PCDHGB5: variants seen among roughly 807,000 people sequenced by gnomAD.
PCDHGB5 encodes the protein protocadherin gamma-B5.
PCDHGB5 carries 48 observed loss-of-function variants against 62.9 expected under a neutral mutation model. That is an observed-to-expected ratio of 0.76 (90% confidence interval 0.61 to 0.97). The LOEUF is 0.97. Among genes scored for constraint, PCDHGB5 ranks in the 50% least tolerant of loss-of-function variants. The pLI is 0.00. For synonymous variants in PCDHGB5, 474 were observed against 511.2 expected (o/e 0.93, Z 0.98); for missense variants, 1,118 against 1,198.6 (o/e 0.93, Z 0.99).
rs781032596 is a variant in PCDHGB5, at chr5:141,400,191, A to C, written c.2064A>C (p.Leu688=). 8 of 1,613,852 alleles carry C rather than the reference A, an allele frequency of 5.0e-6. No homozygotes were observed. Among genetic ancestry groups the C allele is most frequent in the Non-Finnish European group, 4.2e-6 (5 of 1,179,884 alleles). The change falls in exon 1 of 4, where the codon CTA becomes CTC. Residue 688 remains leucine, a synonymous_variant. Coordinates refer to ENST00000617380, the MANE Select transcript of PCDHGB5 (RefSeq NM_018925.3). ...CCCAGGCTGAGCTGCAGTTTTACCTAGTGGTGGCCTTGGCCTTGATCTCAG... is the reference window on the plus strand; with the variant it reads ...CCCAGGCTGAGCTGCAGTTTTACCTCGTGGTGGCCTTGGCCTTGATCTCAG... The part of the protein sequence containing the change: ...SDPQAELQFY[L]VVALALISVL...
Position 141,477,203 on chromosome 5 carries a change from G to T in PCDHGB5, c.2398-17604G>T. On this transcript the variant is annotated intron_variant, in intron 1 of 3. Coordinates refer to ENST00000617380, the MANE Select transcript of PCDHGB5 (RefSeq NM_018925.3). The surrounding 1 kb of genome is among the most constrained non-coding windows in gnomAD (Gnocchi z 4.9). ...CACCTCCGTGTACAGCCCAGTACCC[G>T]AGGATGCCCCTCTGGGGACTGTCAT... 1 of 1,614,176 alleles carries T rather than the reference G, an allele frequency of 6.2e-7. No individual in the cohort carries two copies. The highest frequency in any genetic ancestry group is 1.1e-5 in the South Asian group (1 of 91,082).
chr5:141,419,890 C>T (rs775698934), intron 1 of PCDHGB5: 3 of 1,614,102 alleles, frequency 1.9e-6, no homozygotes, highest in Non-Finnish European at 2.5e-6. Flanking sequence ...ATTTCAGCGA[C>T]CATCCCACAC....
At chr5:141,500,192 A>T (rs865941565) in intron 2 of PCDHGB5, among the ~76,000 whole-genome samples, 1 of 110,142 alleles carries the variant, frequency 9.1e-6, no homozygotes, top group Non-Finnish European at 2.0e-5. Context: ...ATTTTTATTT[A>T]TTTATTTATT....
At chr5:141,428,189 C>G in intron 1 of PCDHGB5, 1 of 1,429,262 alleles carries the variant, frequency 7.0e-7, no homozygotes, top group African/African-American at 1.4e-5. Flanking sequence ...ACAGCCGCCG[C>G]TCTCTGCGCC....
At chr5:141,497,212 G>C (rs968445663) in intron 2 of PCDHGB5, among the ~76,000 whole-genome samples, 2 of 151,018 alleles carry the variant, frequency 1.3e-5, no homozygotes, top group East Asian at 3.9e-4. Context: ...AGTGTAATGG[G>C]GGGGGGAAGA....
In PCDHGB5 at chr5:141,400,221, C is replaced by G. The variant is rs377228541; in HGVS notation, c.2094C>G (p.Leu698=). 1 of 1,614,060 alleles carries G rather than the reference C, an allele frequency of 6.2e-7. No individual in the cohort carries two copies. Among genetic ancestry groups the G allele is most frequent in the Non-Finnish European group, 8.5e-7 (1 of 1,179,902 alleles). Residue 698 remains leucine (L), a synonymous_variant, in exon 1 of 4, where the codon CTC becomes CTG. Coordinates refer to ENST00000617380, the MANE Select transcript of PCDHGB5 (RefSeq NM_018925.3). ...TGGCCTTGGCCTTGATCTCAGTGCT[C>G]TTCCTCCTGGCCGTGATTCTGGCCG... ...LVVALALISV[L]FLLAVILAVA...
chr5:141,480,413 T>C (rs1478520852), intron 1 of PCDHGB5, among the ~76,000 whole-genome samples: 2 of 135,292 alleles, frequency 1.5e-5, no homozygotes, highest in African/African-American at 3.0e-5. Context: ...AGACCCTGTC[T>C]CAAAAAAAAA....
At position 141,486,765 on chromosome 5, in the gene PCDHGB5, T is replaced by C; in HGVS notation, c.2398-8042T>C. On this transcript the variant is annotated intron_variant, in intron 1 of 3. Transcript: ENST00000617380. This position sits in a 1 kb window ranked among gnomAD's most constrained non-coding sequence, Gnocchi z 5.0. ...TTTGACTATGAGCAAACCCAGACACTGCAGTTTGAGGTGCAGGCCCGGGAT... is the reference window on the plus strand; with the variant it reads ...TTTGACTATGAGCAAACCCAGACACCGCAGTTTGAGGTGCAGGCCCGGGAT... 4 of 1,614,230 alleles carry C rather than the reference T, an allele frequency of 2.5e-6. No individual in the cohort carries two copies. Among genetic ancestry groups the C allele is most frequent in the Non-Finnish European group, 3.4e-6 (4 of 1,180,038 alleles).
intron 1 of PCDHGB5, among the ~76,000 whole-genome samples, chr5:141,438,263 A>G (rs2097944986): frequency 6.6e-6 from 1 of 152,144 alleles, no homozygotes; most frequent in South Asian, 2.1e-4. Flanking sequence ...AAGAGACCAT[A>G]GAATCAAACA....
At chr5:141,469,721 A>G (rs1238006043) in intron 1 of PCDHGB5, among the ~76,000 whole-genome samples, 5 of 152,270 alleles carry the variant, frequency 3.3e-5, no homozygotes, top group African/African-American at 1.2e-4. Context: ...TTAGGAATTT[A>G]TCATAAATAC....
chr5:141,436,877 A>G (rs2097851127), intron 1 of PCDHGB5, among the ~76,000 whole-genome samples: 1 of 152,252 alleles, frequency 6.6e-6, no homozygotes, highest in Admixed American at 6.5e-5. Flanking sequence ...AGGCCATAAA[A>G]GATGGGGGAA....
intron 2 of PCDHGB5, among the ~76,000 whole-genome samples, chr5:141,496,116 C>G (rs1435887981): frequency 6.6e-6 from 1 of 152,178 alleles, no homozygotes; most frequent in Middle Eastern, 3.4e-3. Flanking sequence ...TCTCTTCCTT[C>G]CCTGCCCCTC....
intron 2 of PCDHGB5, among the ~76,000 whole-genome samples, chr5:141,496,565 T>C (rs2099769541): frequency 6.6e-6 from 1 of 152,136 alleles, no homozygotes; most frequent in African/African-American, 2.4e-5. Context: ...CACAGTCCTG[T>C]CACCCATTTT....
chr5:141,403,217 A>G (rs763517467), intron 1 of PCDHGB5: 10 of 1,613,810 alleles, frequency 6.2e-6, no homozygotes, highest in East Asian at 2.2e-5. Context: ...CACCGCGGGT[A>G]GGATAGACCG....
Position 141,477,876 on chromosome 5 carries a change from G to A in PCDHGB5, c.2398-16931G>A, listed in dbSNP as rs1412801533. The A allele has an allele frequency of 4.3e-6, 7 of 1,614,144 alleles. No individual in the cohort carries two copies. Among genetic ancestry groups the A allele is most frequent in the Non-Finnish European group, 5.9e-6 (7 of 1,180,030 alleles). ...ATGCTGCCTCGAGGTACCTCAGCTG[G>A]CCACCTAGTGTCACGGGTGGTAGGC... On this transcript the variant is annotated intron_variant, in intron 1 of 3. Coordinates refer to ENST00000617380, the MANE Select transcript of PCDHGB5 (RefSeq NM_018925.3). The surrounding 1 kb of genome is among the most constrained non-coding windows in gnomAD (Gnocchi z 4.9).
chr5:141,474,369 G>C (rs1424130168), intron 1 of PCDHGB5, among the ~76,000 whole-genome samples: 1 of 152,184 alleles, frequency 6.6e-6, no homozygotes, highest in Non-Finnish European at 1.5e-5. Flanking sequence ...AGTAGGTCTA[G>C]AGGAGGGCAT....
intron 1 of PCDHGB5, chr5:141,426,906 C>T (rs2096969568): frequency 4.4e-6 from 2 of 456,654 alleles, no homozygotes; most frequent in Admixed American, 2.3e-5. Context: ...CTCTCATCTC[C>T]TGGTCCTGGA....
intron 1 of PCDHGB5, among the ~76,000 whole-genome samples, chr5:141,464,630 T>C (rs981288560): frequency 1.3e-5 from 2 of 152,176 alleles, no homozygotes; most frequent in African/African-American, 4.8e-5. Context: ...AGCTTTTTAA[T>C]TGTTGCCAAC....
chr5:141,466,085 G>T (rs1028177123), intron 1 of PCDHGB5, among the ~76,000 whole-genome samples: 2 of 151,984 alleles, frequency 1.3e-5, no homozygotes, highest in African/African-American at 4.8e-5. Flanking sequence ...TCATGCCACT[G>T]CACTCCAGCC....
Sources: allele counts gnomAD v4.1 joint callset (sites outside exome capture counted in the v4.1 genomes callset), GRCh38; gene constraint gnomAD v4.1.1; non-coding constraint Gnocchi (gnomAD v3.1); transcripts MANE v1.5; gene names NCBI Gene and HGNC (gene_info 2026-07-23, HGNC 2026-07-21).